Variants in PCDHGA7 observed in about 807,000 individuals in gnomAD.
The protein encoded by PCDHGA7 is protocadherin gamma-A7.
In PCDHGA7, 44 loss-of-function variants were observed where a neutral mutation model predicts 58.3. That is an observed-to-expected ratio of 0.75 (90% CI 0.59 to 0.97). The LOEUF is 0.97. PCDHGA7 is among the 50% of genes least tolerant of loss of function. The pLI is 0.00. For missense variants in PCDHGA7, 1,266 were observed against 1,188.7 expected (o/e 1.06, Z -0.96); for synonymous variants, 516 against 504.2 (o/e 1.02, Z -0.31).
rs1334650353 is a variant in PCDHGA7, at chr5:141,493,099, A to T, written c.2425-1708A>T. Among the ~76,000 whole-genome samples, 1 of 152,192 alleles carries T rather than the reference A, an allele frequency of 6.6e-6. No homozygotes were observed. Among genetic ancestry groups the T allele is most frequent in the East Asian group, 1.9e-4 (1 of 5,198 alleles). On this transcript the variant is annotated intron_variant, in intron 1 of 3. Coordinates refer to ENST00000518325, the MANE Select transcript of PCDHGA7 (RefSeq NM_018920.4). This position sits in a 1 kb window ranked among gnomAD's most constrained non-coding sequence, Gnocchi z 4.3. ...CTCCAGGAGCTTTTATTCAAAATAT[A>T]TCAATGCCTAACTCTGCTCCTAGGA... is the stretch of plus-strand genomic sequence containing the variant.
chr5:141,469,296 A>T (rs2099196287), intron 1 of PCDHGA7, among the ~76,000 whole-genome samples: 1 of 149,742 alleles, frequency 6.7e-6, no homozygotes, highest in Non-Finnish European at 1.5e-5. Context: ...AACAAAATAG[A>T]CTGGGCACGA....
rs762355289 is a variant in PCDHGA7, at chr5:141,384,531, C to T, written c.1632C>T (p.Ser544=). ...AHDSGDPPLS[S]NMSLSLFVLD... is the part of the protein sequence containing the mutation. ...ACAGCGGGGACCCGCCTCTCAGCAGCAACATGTCACTGAGCCTGTTCGTGC... is the reference window on the plus strand; with the variant it reads ...ACAGCGGGGACCCGCCTCTCAGCAGTAACATGTCACTGAGCCTGTTCGTGC... The change falls in exon 1 of 4, where the codon AGC becomes AGT. Residue 544 remains serine, a synonymous_variant. Coordinates refer to ENST00000518325, the MANE Select transcript of PCDHGA7 (RefSeq NM_018920.4). The T allele has an allele frequency of 6.8e-6, 11 of 1,614,116 alleles. No homozygotes were observed. Among genetic ancestry groups the T allele is most frequent in the African/African-American group, 2.7e-5 (2 of 74,948 alleles).
intron 1 of PCDHGA7, chr5:141,388,506 T>C: frequency 6.2e-7 from 1 of 1,613,870 alleles, no homozygotes; most frequent in Non-Finnish European, 8.5e-7. Flanking sequence ...GCAGAAATCC[T>C]ACCACTTGAC....
rs1288507078 is a variant in PCDHGA7 at position 141,476,171 on chromosome 5, G to A, written c.2425-18636G>A. On this transcript the variant is annotated intron_variant, in intron 1 of 3. Transcript: ENST00000518325. This position sits in a 1 kb window ranked among gnomAD's most constrained non-coding sequence, Gnocchi z 7.6. ...GGTAAGCACCGGGAGGGTAGTGGGA[G>A]TTTTGCTTCTGCTTGGTGCCTTGAA... The A allele has an allele frequency of 1.2e-6, 2 of 1,613,442 alleles. No individual in the cohort carries two copies. The highest frequency in any genetic ancestry group is 1.7e-6 in the Non-Finnish European group (2 of 1,179,978).
intron 1 of PCDHGA7, among the ~76,000 whole-genome samples, chr5:141,474,432 C>T (rs1050895539): frequency 6.6e-6 from 1 of 152,214 alleles, no homozygotes; most frequent in Non-Finnish European, 1.5e-5. Context: ...GGTCCTCACA[C>T]TTTGAGTAGC....
At chr5:141,492,189 G>A (rs2099737936) in intron 1 of PCDHGA7, among the ~76,000 whole-genome samples, 1 of 152,204 alleles carries the variant, frequency 6.6e-6, no homozygotes, top group East Asian at 1.9e-4. Flanking sequence ...GCACCTGTCT[G>A]CGGGACTTAG....
intron 1 of PCDHGA7, among the ~76,000 whole-genome samples, chr5:141,437,886 C>A (rs763669578): frequency 6.6e-6 from 1 of 152,022 alleles, no homozygotes; most frequent in Non-Finnish European, 1.5e-5. Flanking sequence ...TACAGGCACA[C>A]GCCACCACAC....
At chr5:141,422,379 C>G (rs2096644662) in intron 1 of PCDHGA7, 1 of 1,576,826 alleles carries the variant, frequency 6.3e-7, no homozygotes, top group East Asian at 2.2e-5. Flanking sequence ...GTCAAGTCTC[C>G]TGTTTTATTC....
chr5:141,499,275 C>T (rs1259707742), intron 2 of PCDHGA7, among the ~76,000 whole-genome samples: 1 of 152,178 alleles, frequency 6.6e-6, no homozygotes, highest in African/African-American at 2.4e-5. Flanking sequence ...CTAGACTGTT[C>T]TCTGATGGCT....
In PCDHGA7 at chr5:141,409,031, A is replaced by G. The variant is rs748995883; in HGVS notation, c.2424+23708A>G. The G allele has an allele frequency of 1.2e-6, 2 of 1,614,032 alleles. No individual in the cohort carries two copies. The highest frequency in any genetic ancestry group is 1.7e-6 in the Non-Finnish European group (2 of 1,179,904). The stretch of plus-strand genomic sequence containing the variant: ...CCAGGATGAGGGGGTCAATGCTGAG[A>G]TAAACTACTACTTCCGAAGCACTGC... On this transcript the variant is annotated intron_variant, in intron 1 of 3. Transcript: ENST00000518325.
At chr5:141,389,250 A>G (rs1365678326) in intron 1 of PCDHGA7, 16 of 1,614,012 alleles carry the variant, frequency 9.9e-6, no homozygotes, top group Middle Eastern at 1.6e-4. Flanking sequence ...GTCTTCCTAT[A>G]TAGTCCACGT....
At chr5:141,415,473 C>T in intron 1 of PCDHGA7, 2 of 1,614,224 alleles carry the variant, frequency 1.2e-6, no homozygotes, top group Non-Finnish European at 1.7e-6. Flanking sequence ...TCACCGCGGA[C>T]TCGCGAAAGA....
At chr5:141,488,042 G>T (rs2099670966) in intron 1 of PCDHGA7, among the ~76,000 whole-genome samples, 1 of 152,168 alleles carries the variant, frequency 6.6e-6, no homozygotes, top group Non-Finnish European at 1.5e-5. Context: ...TTTCCCAAGG[G>T]ATTGAGGGGA....
At position 141,512,644 on chromosome 5, in the gene PCDHGA7, G is replaced by T. The variant is rs1283774989; in HGVS notation, c.*1471G>T. Reference sequence around the variant, plus strand: ...ACCCCAGACCTGCCCTTACAGTAGTGTAGCGCCCCCTCCCTCTTTCGGCTG... The same window carrying T: ...ACCCCAGACCTGCCCTTACAGTAGTTTAGCGCCCCCTCCCTCTTTCGGCTG... On this transcript the variant is annotated 3_prime_UTR_variant, in exon 4 of 4. Coordinates refer to ENST00000518325, the MANE Select transcript of PCDHGA7 (RefSeq NM_018920.4). 1 of 152,528 alleles carries T rather than the reference G, an allele frequency of 6.6e-6. No individual in the cohort carries two copies. The allele number at this position is 152,528 out of a possible 1,614,324, so 9.4% of individuals were successfully genotyped here.
chr5:141,421,426 A>G, intron 1 of PCDHGA7: 2 of 1,614,104 alleles, frequency 1.2e-6, no homozygotes, highest in South Asian at 1.1e-5. Context: ...CGGAGTCCGC[A>G]TCGTCTCCAG....
intron 1 of PCDHGA7, chr5:141,415,652 A>AG: frequency 6.3e-7 from 1 of 1,590,778 alleles, no homozygotes; most frequent in African/African-American, 1.4e-5. Flanking sequence ...AAAAAAAAAA[A>AG]GATTGGTTTT....
In PCDHGA7 at chr5:141,418,905, T is replaced by C. The variant is rs144920415; in HGVS notation, c.2424+33582T>C. The C allele has an allele frequency of 5.0e-6, 8 of 1,613,944 alleles. No homozygotes were observed. The East Asian group carries it at 1.8e-4, about 36-fold the overall frequency. ...AACGACAACAGCCCAGAAATAATCA[T>C]CACGTCACTCTCTGATCAGATTATG... On this transcript the variant is annotated intron_variant, in intron 1 of 3. Coordinates refer to ENST00000518325, the MANE Select transcript of PCDHGA7 (RefSeq NM_018920.4).
At chr5:141,438,571 T>TATAC (rs1212381177) in intron 1 of PCDHGA7, among the ~76,000 whole-genome samples, 15 of 94,542 alleles carry the variant, frequency 1.6e-4, no homozygotes, top group South Asian at 1.0e-3. Flanking sequence ...AGCTGTCTGA[T>TATAC]ATACATACAT....
Position 141,491,739 on chromosome 5 carries a change from C to T in PCDHGA7, c.2425-3068C>T. ...CGCCGCCCCGGGCGACCCCTGGGGG[C>T]GGCACTGGAGAAGCCGCCCGTCCTC... On this transcript the variant is annotated intron_variant, in intron 1 of 3. Transcript: ENST00000518325. This position sits in a 1 kb window ranked among gnomAD's most constrained non-coding sequence, Gnocchi z 6.9. The T allele has an allele frequency of 1.3e-6, 2 of 1,599,004 alleles. No individual in the cohort carries two copies. Among genetic ancestry groups the T allele is most frequent in the East Asian group, 2.3e-5 (1 of 44,194 alleles).
Sources: gnomAD v4.1 joint callset for allele counts (sites outside exome capture counted in the v4.1 genomes callset) on GRCh38, gnomAD v4.1.1 for gene constraint, Gnocchi (gnomAD v3.1) non-coding constraint, MANE v1.5 for transcripts, NCBI Gene and HGNC (gene_info 2026-07-23, HGNC 2026-07-21) for gene names.